The following WWC2 variants were observed in gnomAD, a reference collection of about 807,000 sequenced individuals.
WWC2 encodes WW and C2 domain containing 2.
In WWC2, 101 loss-of-function variants were observed where a neutral mutation model predicts 138.5. The ratio of observed to expected loss-of-function variants is 0.73; its 90% confidence interval spans 0.62 to 0.86. The LOEUF is 0.86. WWC2 is among the 40% of genes least tolerant of loss of function. The probability of loss-of-function intolerance (pLI) is 0.00; values close to 1 mark genes in which losing one functional copy is unlikely to be tolerated. For synonymous variants in WWC2, 558 were observed against 538.4 expected, an observed-to-expected ratio of 1.04 and a Z score of -0.50; for missense variants, 1,420 against 1,419.4, an observed-to-expected ratio of 1.00 and a Z score of -0.01.
intron 1 of WWC2, among the ~76,000 whole-genome samples, chr4:183,163,141 AC>A (rs1734008827): frequency 6.6e-6 from 1 of 152,234 alleles, no homozygotes; most frequent in Admixed American, 6.5e-5. Context: ...AAAAGTGGTG[AC>A]GGTAAAAGGA....
intron 1 of WWC2, among the ~76,000 whole-genome samples, chr4:183,160,519 T>A (rs1030463495): frequency 1.1e-4 from 16 of 152,176 alleles, no homozygotes; most frequent in Non-Finnish European, 1.2e-4. Context: ...ATCAAGTCAC[T>A]ATGTTTTAGT....
intron 1 of WWC2, among the ~76,000 whole-genome samples, chr4:183,137,288 C>T (rs1254646179): frequency 6.6e-6 from 1 of 152,102 alleles, no homozygotes; most frequent in Admixed American, 6.5e-5. Context: ...TTTTAAATAA[C>T]AGCCTAAAAC....
chr4:183,117,269 G>A (rs1732442556), intron 1 of WWC2, among the ~76,000 whole-genome samples: 1 of 138,254 alleles, frequency 7.2e-6, no homozygotes, highest in Non-Finnish European at 1.5e-5. Context: ...CCCCCAGGCT[G>A]GAGTGCAATG....
At chr4:183,289,735 G>A in intron 21 of WWC2, 100 bp downstream of exon 21, 1 of 1,489,588 alleles carries the variant, frequency 6.7e-7, no homozygotes, top group Non-Finnish European at 9.0e-7. Flanking sequence ...TTGCGCATAA[G>A]TCTTTAGATG....
intron 5 of WWC2, 95 bp from the exon 6 acceptor site, chr4:183,245,321 T>C: frequency 9.5e-7 from 1 of 1,055,832 alleles, no homozygotes; most frequent in Non-Finnish European, 1.2e-6. Context: ...GAAATAATCA[T>C]CCAACTGAGA....
intron 16 of WWC2, among the ~76,000 whole-genome samples, chr4:183,276,426 T>C: frequency 6.6e-6 from 1 of 152,090 alleles, no homozygotes; most frequent in Non-Finnish European, 1.5e-5. Context: ...AAATTTTCGT[T>C]TTCCCCTCTA....
rs767854526 is a variant in WWC2, at chr4:183,250,011, GT to G, written c.953+22del. 5 of 1,608,038 alleles carry G rather than the reference GT, an allele frequency of 3.1e-6. No individual in the cohort carries two copies. Among genetic ancestry groups the G allele is most frequent in the South Asian group, 2.2e-5 (2 of 90,660 alleles). The stretch of plus-strand genomic sequence containing the variant: ...AAAAGAAGGTAATGACAGAGAAGCT[GT>G]TTTGTGCATGGCTCAAACATTTTCT... On this transcript the variant is annotated intron_variant, in intron 8 of 22. Coordinates refer to ENST00000403733, the MANE Select transcript of WWC2 (RefSeq NM_024949.6).
At chr4:183,227,317 G>A (rs905394229) in intron 4 of WWC2, among the ~76,000 whole-genome samples, 3 of 152,062 alleles carry the variant, frequency 2.0e-5, no homozygotes, top group African/African-American at 7.3e-5. Context: ...AGTGACAGAT[G>A]GTTGTGCCTC....
At position 183,284,260 on chromosome 4, in the gene WWC2, A is replaced by G. The variant is rs1189852744; in HGVS notation, c.2918A>G (p.Asn973Ser). The change falls in exon 19 of 23, where the codon AAT (asparagine) becomes AGT (serine). Residue 973 changes from asparagine to serine, a missense_variant. By Grantham distance (46) the Asn-to-Ser change is conservative. Coordinates refer to ENST00000403733, the MANE Select transcript of WWC2 (RefSeq NM_024949.6). ...GAGACAAACACTGATGAAGCCGCTA[A>G]TGACAATATGGCAGTTCGCCCCAAA... ...DKETNTDEAANDNMAVRPKER... is the reference protein window; with the variant it reads ...DKETNTDEAASDNMAVRPKER... 1.2e-6 allele frequency: 2 copies of G among 1,614,032 alleles called. No individual in the cohort carries two copies. Among genetic ancestry groups the G allele is most frequent in the Admixed American group, 1.7e-5 (1 of 60,034 alleles).
chr4:183,145,941 A>G (rs1471867594), intron 1 of WWC2, among the ~76,000 whole-genome samples: 2 of 152,196 alleles, frequency 1.3e-5, no homozygotes, highest in South Asian at 2.1e-4. Context: ...AGATACTACA[A>G]TTCCTTAAGT....
chr4:183,102,519 T>C (rs1279673607), intron 1 of WWC2, among the ~76,000 whole-genome samples: 1 of 152,198 alleles, frequency 6.6e-6, no homozygotes, highest in Admixed American at 6.5e-5. Context: ...TTGTTAAGTG[T>C]GGAGCTAGGA....
At chr4:183,100,540 C>T (rs1209178264) in intron 1 of WWC2, among the ~76,000 whole-genome samples, 1 of 152,094 alleles carries the variant, frequency 6.6e-6, no homozygotes, top group Non-Finnish European at 1.5e-5. Context: ...AACGTGCCAC[C>T]AGGGATAACT....
At chr4:183,110,651 A>G (rs1342386824) in intron 1 of WWC2, among the ~76,000 whole-genome samples, 1 of 152,208 alleles carries the variant, frequency 6.6e-6, no homozygotes, top group African/African-American at 2.4e-5. Context: ...CATTTAATGT[A>G]CTTTGGTTTC....
rs1235121056 is a variant in WWC2, at chr4:183,306,149, G to A, written c.3385-6192G>A. ...ATAAATGACATGCTAAGAAAGGAGA[G>A]AAAATTGACATTATATAAAGTCCTC... On this transcript the variant is annotated intron_variant, in intron 21 of 22. Transcript: ENST00000403733. Among the ~76,000 whole-genome samples, 14 of 152,200 alleles carry A rather than the reference G, an allele frequency of 9.2e-5. No individual in the cohort carries two copies. In the East Asian group the frequency reaches 2.1e-3, roughly 23 times the overall value.
In WWC2 at chr4:183,099,437, C is replaced by T; in HGVS notation, c.-55C>T. The T allele has an allele frequency of 1.7e-6, 2 of 1,201,876 alleles. No homozygotes were observed. The highest frequency in any genetic ancestry group is 2.1e-6 in the Non-Finnish European group (2 of 962,762). The allele number at this position is 1,201,876 out of a possible 1,614,324, so 74.5% of individuals were successfully genotyped here. A position where few individuals can be genotyped will look rare whatever the true frequency, so the allele number is the denominator to read the frequency against. ...CCTAGCCCGGCAGCCGCGTTCCCGCCGCGTCCCGCGCCCGGTACCTATGGA... is the reference window on the plus strand; with the variant it reads ...CCTAGCCCGGCAGCCGCGTTCCCGCTGCGTCCCGCGCCCGGTACCTATGGA... On this transcript the variant is annotated 5_prime_UTR_variant, in exon 1 of 23. Coordinates refer to ENST00000403733, the MANE Select transcript of WWC2 (RefSeq NM_024949.6).
chr4:183,308,791 A>G (rs1412561078), intron 21 of WWC2, among the ~76,000 whole-genome samples: 1 of 152,182 alleles, frequency 6.6e-6, no homozygotes, highest in African/African-American at 2.4e-5. Flanking sequence ...ATAATGTAGT[A>G]ATAATAATGT....
At chr4:183,267,722 C>T (rs1201904919) in intron 14 of WWC2, among the ~76,000 whole-genome samples, 2 of 152,178 alleles carry the variant, frequency 1.3e-5, no homozygotes, top group Non-Finnish European at 2.9e-5. Context: ...AAATACTCAG[C>T]CCAACCAATG....
rs1561443575 is a variant in WWC2, at chr4:183,164,283, TATATATATATATATATAC to T, written c.132-29305_132-29288del. 3.7e-4 allele frequency among the ~76,000 whole-genome samples: 49 copies of T among 134,046 alleles called. 2 individuals are homozygous for T. Among genetic ancestry groups the T allele is most frequent in the African/African-American group, 1.3e-3 (44 of 32,814 alleles). 87.9% of individuals were successfully genotyped at this position (134,046 alleles called of 152,430 possible). A position where few individuals can be genotyped will look rare whatever the true frequency, so the allele number is the denominator to read the frequency against. On this transcript the variant is annotated intron_variant, in intron 1 of 22. Coordinates refer to ENST00000403733, the MANE Select transcript of WWC2 (RefSeq NM_024949.6). ...GTGTGCGCATATATATATATATATA[TATATATATATATATATAC>T]ATATATATATTATATATACATATAT...
chr4:183,133,123 T>G (rs1243091688), intron 1 of WWC2, among the ~76,000 whole-genome samples: 2 of 146,562 alleles, frequency 1.4e-5, no homozygotes. Flanking sequence ...TTTCCTTCCC[T>G]TTTTTTCTTT....
Sources: allele counts gnomAD v4.1 joint callset (sites outside exome capture counted in the v4.1 genomes callset), GRCh38; gene constraint gnomAD v4.1.1; transcripts MANE v1.5; gene names NCBI Gene and HGNC (gene_info 2026-07-23, HGNC 2026-07-21).